The following EXOC6B variants were observed in gnomAD, a reference collection of about 807,000 sequenced individuals.
EXOC6B encodes exocyst complex component 6B.
Under a neutral mutation model 113.5 loss-of-function variants are expected in EXOC6B, and 54 were observed. The observed-to-expected ratio is 0.48, with a 90% CI of 0.38 to 0.60. EXOC6B has a LOEUF of 0.60. Among genes scored for constraint, EXOC6B ranks in the 20% least tolerant of loss-of-function variants. The probability of loss-of-function intolerance (pLI) is 0.00; values close to 1 mark genes in which losing one functional copy is unlikely to be tolerated. For missense variants in EXOC6B, 797 were observed against 977.5 expected, an observed-to-expected ratio of 0.82 and a Z score of 2.46; for synonymous variants, 357 against 339.0, an observed-to-expected ratio of 1.05 and a Z score of -0.58.
chr2:72,207,497 A>C (rs924635295), intron 20 of EXOC6B, among the ~76,000 whole-genome samples: 1 of 152,196 alleles, frequency 6.6e-6, no homozygotes, highest in East Asian at 1.9e-4. Context: ...ATTCACGCAA[A>C]AGCACTCAGG....
intron 20 of EXOC6B, among the ~76,000 whole-genome samples, chr2:72,235,517 C>T (rs1408715503): frequency 6.6e-6 from 1 of 152,050 alleles, no homozygotes; most frequent in Non-Finnish European, 1.5e-5. Flanking sequence ...ATGCAATTTA[C>T]CTATATAACA....
At chr2:72,789,301 A>G (rs1450463706) in intron 1 of EXOC6B, among the ~76,000 whole-genome samples, 2 of 152,312 alleles carry the variant, frequency 1.3e-5, no homozygotes, top group East Asian at 3.9e-4. Context: ...TACGTGGTAC[A>G]TCTAGCTCCA....
chr2:72,811,039 AACAAC>A (rs1022855063), intron 1 of EXOC6B, among the ~76,000 whole-genome samples: 5 of 152,080 alleles, frequency 3.3e-5, no homozygotes, highest in African/African-American at 1.2e-4. Flanking sequence ...TCAAAAAAAA[AACAAC>A]ACAATAGACC....
At chr2:72,746,555 A>G (rs1467164122) in intron 1 of EXOC6B, among the ~76,000 whole-genome samples, 2 of 152,122 alleles carry the variant, frequency 1.3e-5, no homozygotes, top group East Asian at 1.9e-4. Flanking sequence ...ATAAAATGGC[A>G]CTTGAGTAAT....
intron 16 of EXOC6B, among the ~76,000 whole-genome samples, chr2:72,486,595 T>C (rs990470752): frequency 6.6e-6 from 1 of 152,094 alleles, no homozygotes; most frequent in Non-Finnish European, 1.5e-5. Flanking sequence ...CTGCATTTGC[T>C]GGGAAAACTG....
chr2:72,189,539 T>C (rs905335827), intron 20 of EXOC6B, among the ~76,000 whole-genome samples: 6 of 152,240 alleles, frequency 3.9e-5, no homozygotes, highest in Non-Finnish European at 5.9e-5. Flanking sequence ...AAATATCTGT[T>C]ATCCAGTGAG....
chr2:72,458,927 T>C (rs1255231145), intron 18 of EXOC6B, among the ~76,000 whole-genome samples: 1 of 152,040 alleles, frequency 6.6e-6, no homozygotes, highest in East Asian at 1.9e-4. Context: ...AACACAACAA[T>C]TCTTGAGGTG....
intron 5 of EXOC6B, among the ~76,000 whole-genome samples, chr2:72,725,660 G>A (rs1171677801): frequency 6.6e-6 from 1 of 152,156 alleles, no homozygotes; most frequent in Admixed American, 6.5e-5. Flanking sequence ...CCAAAGTGCT[G>A]GGATTACAGG....
At chr2:72,489,844 T>C (rs1442158650) in intron 16 of EXOC6B, among the ~76,000 whole-genome samples, 5 of 152,106 alleles carry the variant, frequency 3.3e-5, no homozygotes, top group Admixed American at 3.3e-4. Context: ...TAATTTTGAA[T>C]TGGCTCAACA....
At chr2:72,285,001 A>G (rs1021340687) in intron 20 of EXOC6B, among the ~76,000 whole-genome samples, 7 of 152,130 alleles carry the variant, frequency 4.6e-5, no homozygotes, top group Non-Finnish European at 8.8e-5. Flanking sequence ...GAGTTATTTC[A>G]TATTCATGGA....
At chr2:72,266,647 G>C (rs1485788757) in intron 20 of EXOC6B, among the ~76,000 whole-genome samples, 7 of 152,016 alleles carry the variant, frequency 4.6e-5, no homozygotes, top group African/African-American at 1.7e-4. Context: ...ATGCTGTTTT[G>C]GTTACTGTAG....
At chr2:72,189,126 G>A (rs1159929051) in intron 20 of EXOC6B, among the ~76,000 whole-genome samples, 2 of 151,996 alleles carry the variant, frequency 1.3e-5, no homozygotes, top group Non-Finnish European at 2.9e-5. Context: ...GTCCTTTATA[G>A]CCTCTTTTAT....
chr2:72,511,838 C>T (rs1305154115), intron 11 of EXOC6B, among the ~76,000 whole-genome samples: 3 of 152,084 alleles, frequency 2.0e-5, no homozygotes, highest in Admixed American at 6.6e-5. Context: ...ACAGTATTTA[C>T]TCTGTCTGGA....
chr2:72,627,417 T>C (rs969792487), intron 6 of EXOC6B, among the ~76,000 whole-genome samples: 1 of 152,212 alleles, frequency 6.6e-6, no homozygotes, highest in Non-Finnish European at 1.5e-5. Context: ...GCAGAATCTT[T>C]GTAATTTGAC....
intron 18 of EXOC6B, among the ~76,000 whole-genome samples, chr2:72,385,470 T>C: frequency 6.7e-6 from 1 of 149,676 alleles, no homozygotes; most frequent in East Asian, 1.9e-4. Context: ...TTTTTTTGTA[T>C]ATAACCACAA....
chr2:72,783,380 A>G (rs998012099), intron 1 of EXOC6B, among the ~76,000 whole-genome samples: 7 of 125,220 alleles, frequency 5.6e-5, no homozygotes, highest in African/African-American at 1.9e-4. Flanking sequence ...GCTGGAGTGC[A>G]GTGGCGCAAT....
intron 20 of EXOC6B, among the ~76,000 whole-genome samples, chr2:72,199,758 C>A (rs530408753): frequency 1.3e-5 from 2 of 152,190 alleles, no homozygotes; most frequent in Admixed American, 6.5e-5. Context: ...TTCTGCCTGG[C>A]ATTTTCAAAA....
chr2:72,191,545 T>A (rs1313408186), intron 20 of EXOC6B, among the ~76,000 whole-genome samples: 1 of 152,236 alleles, frequency 6.6e-6, no homozygotes, highest in East Asian at 1.9e-4. Flanking sequence ...TCCTGATTGA[T>A]TCTGTCTGAG....
chr2:72,435,875 T>C (rs554543670), intron 18 of EXOC6B, among the ~76,000 whole-genome samples: 8 of 152,318 alleles, frequency 5.3e-5, no homozygotes, highest in African/African-American at 1.7e-4. Flanking sequence ...TGTCTTTTAA[T>C]TGGGGCATTT....
Sources: gnomAD v4.1 joint callset for allele counts (sites outside exome capture counted in the v4.1 genomes callset) on GRCh38, gnomAD v4.1.1 for gene constraint, MANE v1.5 for transcripts, NCBI Gene and HGNC (gene_info 2026-07-23, HGNC 2026-07-21) for gene names.